Variants in INPP5K observed in about 807,000 individuals in gnomAD.
The protein encoded by INPP5K is inositol polyphosphate-5-phosphatase K.
A neutral mutation model predicts 53.5 loss-of-function variants in INPP5K; 35 were observed. The ratio of observed to expected loss-of-function variants is 0.65; its 90% CI spans 0.50 to 0.87. The LOEUF is 0.87. Ranked by LOEUF, INPP5K falls within the 40% of genes least tolerant of loss-of-function variation. The pLI is 0.00. For synonymous variants in INPP5K, 253 were observed against 232.8 expected, an observed-to-expected ratio of 1.09 and a Z score of -0.79; for missense variants, 550 against 586.2, an observed-to-expected ratio of 0.94 and a Z score of 0.64.
chr17:1,510,034 G>A (rs1481673224), intron 3 of INPP5K, among the ~76,000 whole-genome samples: 3 of 152,244 alleles, frequency 2.0e-5, no homozygotes, highest in Admixed American at 6.5e-5. Context: ...AGGCGTGCGG[G>A]TGGCGGGAAG....
chr17:1,507,886 C>T (rs1054848691), intron 6 of INPP5K, among the ~76,000 whole-genome samples: 1 of 152,118 alleles, frequency 6.6e-6, no homozygotes, highest in Non-Finnish European at 1.5e-5. Flanking sequence ...TGCTTTGTAT[C>T]TGACTCTCTA....
chr17:1,516,351 C>G lies in INPP5K; in HGVS notation c.44+105G>C, dbSNP rs567317589. 4.7e-6 allele frequency: 6 copies of G among 1,281,968 alleles called. No homozygotes were observed. The South Asian group carries it at 7.8e-5, about 17-fold the overall frequency. 79.4% of individuals were successfully genotyped at this position (1,281,968 alleles called of 1,614,324 possible). ...GGAGAAGGCGAGAGCGCCTCTGAAC[C>G]AAAGGCAGTCATGGAGGTCTGGTGC... is the stretch of plus-strand genomic sequence containing the variant. On this transcript the variant is annotated intron_variant, in intron 1 of 11. Transcript: ENST00000421807.
In INPP5K at chr17:1,500,855, A is replaced by G. The variant is rs544330386; in HGVS notation, c.777-2733T>C. Among the ~76,000 whole-genome samples, 8 of 152,222 alleles carry G rather than the reference A, an allele frequency of 5.3e-5. No homozygotes were observed. The South Asian group carries it at 1.7e-3, about 32-fold the overall frequency. ...ACCAGGTACACTTACTAAAAACCCA[A>G]GCTGAAGCTCGTCCCTCAAAAATGT... On this transcript the variant is annotated intron_variant, in intron 7 of 11. Coordinates refer to ENST00000421807, the MANE Select transcript of INPP5K (RefSeq NM_016532.4).
intron 8 of INPP5K, among the ~76,000 whole-genome samples, chr17:1,497,034 G>A (rs928034867): frequency 9.2e-5 from 14 of 152,212 alleles, no homozygotes; most frequent in African/African-American, 3.4e-4. Context: ...GGGGCCCAGC[G>A]CTGGGGGGTA....
chr17:1,495,971 G>A, intron 11 of INPP5K, 89 bp downstream of exon 11: 1 of 1,410,038 alleles, frequency 7.1e-7, no homozygotes, highest in Admixed American at 1.7e-5. Flanking sequence ...GGCCCCTCAT[G>A]TACCGGCTGG....
chr17:1,496,700 G>C lies in INPP5K; in HGVS notation c.1067C>G (p.Pro356Arg). The C allele has an allele frequency of 6.2e-7, 1 of 1,614,184 alleles. No individual in the cohort carries two copies. The highest frequency in any genetic ancestry group is 8.5e-7 in the Non-Finnish European group (1 of 1,180,038). ...TCCAATCCAGTCCCACGGGCTGCTG[G>C]GGAAGTCCGAGGTTGAAGAGTAGCT... Reference protein sequence around the residue: ...MVSYSSTSDFPSSPWDWIGLY... With the variant: ...MVSYSSTSDFRSSPWDWIGLY... The change falls in exon 9 of 12, where the codon CCC becomes CGC. Residue 356 changes from proline (P) to arginine (R), a missense_variant. Transcript: ENST00000421807.
intron 7 of INPP5K, among the ~76,000 whole-genome samples, chr17:1,501,097 T>C (rs1340048439): frequency 3.9e-5 from 6 of 152,076 alleles, no homozygotes; most frequent in Admixed American, 3.9e-4. Context: ...TAGCTGGGAT[T>C]ATAGGCGTTG....
At chr17:1,502,165 T>TGC (rs2075038589) in intron 7 of INPP5K, among the ~76,000 whole-genome samples, 4 of 151,516 alleles carry the variant, frequency 2.6e-5, no homozygotes, top group South Asian at 2.1e-4. Flanking sequence ...CTGGCTAACA[T>TGC]GGTGAAACCC....
rs184198351 is a variant in INPP5K at position 1,502,831 on chromosome 17, T to A, written c.776+4149A>T. On this transcript the variant is annotated intron_variant, in intron 7 of 11. Transcript: ENST00000421807. ...GCCTCCTTGAACTCCGAGGCTCAAATGATCCTCCTGCCTCAGCCTCCTGAG... is the reference window on the plus strand; with the variant it reads ...GCCTCCTTGAACTCCGAGGCTCAAAAGATCCTCCTGCCTCAGCCTCCTGAG... 1.7e-3 allele frequency among the ~76,000 whole-genome samples: 253 copies of A among 151,858 alleles called. 2 individuals carry two copies. Among genetic ancestry groups the A allele is most frequent in the African/African-American group, 5.7e-3 (238 of 41,398 alleles).
intron 1 of INPP5K, among the ~76,000 whole-genome samples, chr17:1,515,226 C>G (rs947702130): frequency 6.6e-6 from 1 of 152,138 alleles, no homozygotes; most frequent in Admixed American, 6.6e-5. Context: ...TTTTAAGTAA[C>G]AGGTTTCTCG....
intron 7 of INPP5K, among the ~76,000 whole-genome samples, chr17:1,502,704 CAAATT>C (rs2075056348): frequency 6.6e-6 from 1 of 152,124 alleles, no homozygotes; most frequent in Non-Finnish European, 1.5e-5. Flanking sequence ...TGAGCGTGTA[CAAATT>C]AACCAAGTTC....
At chr17:1,512,133 C>T (rs951746963) in intron 3 of INPP5K, among the ~76,000 whole-genome samples, 1 of 152,166 alleles carries the variant, frequency 6.6e-6, no homozygotes, top group African/African-American at 2.4e-5. Context: ...TTTTGGGTGC[C>T]AGGCCCTCAG....
intron 1 of INPP5K, chr17:1,515,430 T>A (rs1162871471): frequency 1.0e-6 from 1 of 985,382 alleles, no homozygotes; most frequent in Non-Finnish European, 1.2e-6. Flanking sequence ...GACCTACAGA[T>A]GTCTTTAGTG....
chr17:1,495,716 G>T lies in INPP5K; in HGVS notation c.*107C>A. On this transcript the variant is annotated 3_prime_UTR_variant, in exon 12 of 12. Transcript: ENST00000421807. Reference sequence around the variant, plus strand: ...TGGGAGGAGTATGTGGACGACACTTGGCTGTCTCTTCAGGGGGCCAGGCTG... The same window carrying T: ...TGGGAGGAGTATGTGGACGACACTTTGCTGTCTCTTCAGGGGGCCAGGCTG... 1 of 742,570 alleles carries T rather than the reference G, an allele frequency of 1.3e-6. No homozygotes were observed. The highest frequency in any genetic ancestry group is 2.3e-6 in the Non-Finnish European group (1 of 431,616). The allele number at this position is 742,570 out of a possible 1,614,324, so 46.0% of individuals were successfully genotyped here.
At chr17:1,516,222 G>T in intron 1 of INPP5K, 3 of 920,486 alleles carry the variant, frequency 3.3e-6, no homozygotes, top group Non-Finnish European at 4.6e-6. Context: ...TCTCCAGAAA[G>T]CAACCGGGAC....
chr17:1,499,925 T>C (rs2074962624), intron 7 of INPP5K, among the ~76,000 whole-genome samples: 1 of 152,262 alleles, frequency 6.6e-6, no homozygotes, highest in Non-Finnish European at 1.5e-5. Context: ...CAGGTCTCAC[T>C]GTGTTGAATC....
At chr17:1,499,207 A>G (rs2074940904) in intron 7 of INPP5K, among the ~76,000 whole-genome samples, 1 of 152,150 alleles carries the variant, frequency 6.6e-6, no homozygotes, top group Non-Finnish European at 1.5e-5. Flanking sequence ...GGCCTTTATG[A>G]TTTCCTCTCA....
intron 7 of INPP5K, among the ~76,000 whole-genome samples, chr17:1,502,666 T>G (rs963381311): frequency 3.3e-5 from 5 of 152,178 alleles, no homozygotes; most frequent in Admixed American, 2.0e-4. Context: ...GAGGAGCCTG[T>G]TTAGCAAAAT....
intron 3 of INPP5K, among the ~76,000 whole-genome samples, chr17:1,511,810 C>T (rs1231032182): frequency 6.8e-6 from 1 of 146,348 alleles, no homozygotes; most frequent in Non-Finnish European, 1.5e-5. Context: ...AGCTTTAGGC[C>T]ACTGGGTTCC....
Sources: allele counts gnomAD v4.1 joint callset (sites outside exome capture counted in the v4.1 genomes callset), GRCh38; gene constraint gnomAD v4.1.1; transcripts MANE v1.5; gene names NCBI Gene and HGNC (gene_info 2026-07-23, HGNC 2026-07-21).